Variants in DENND1A observed in about 807,000 individuals in gnomAD.
DENND1A encodes the protein DENN domain-containing protein 1A.
In DENND1A, 51 loss-of-function variants were observed where a neutral mutation model predicts 113.7. That is an observed-to-expected ratio of 0.45 (90% CI 0.36 to 0.57). The LOEUF is 0.57. DENND1A is among the 20% of genes least tolerant of loss of function. The pLI, the probability that DENND1A is intolerant of heterozygous loss-of-function variation, is 0.00. For synonymous variants in DENND1A, 565 were observed against 570.8 expected, an observed-to-expected ratio of 0.99 and a Z score of 0.14; for missense variants, 1,258 against 1,395.9, an observed-to-expected ratio of 0.90 and a Z score of 1.57.
chr9:123,517,514 G>A (rs1266912868), intron 13 of DENND1A, among the ~76,000 whole-genome samples: 1 of 151,790 alleles, frequency 6.6e-6, no homozygotes, highest in African/African-American at 2.4e-5. Context: ...AGTTATTTGG[G>A]AGGCTGAGAC....
chr9:123,848,225 C>CT (rs1225563463), intron 2 of DENND1A, among the ~76,000 whole-genome samples: 1 of 69,328 alleles, frequency 1.4e-5, no homozygotes, highest in East Asian at 4.0e-4. Context: ...AAAGATACTG[C>CT]TTTAAAAAAA....
intron 10 of DENND1A, among the ~76,000 whole-genome samples, chr9:123,615,992 C>T (rs1453814949): frequency 6.6e-6 from 1 of 152,130 alleles, no homozygotes; most frequent in Non-Finnish European, 1.5e-5. Flanking sequence ...TGCAGTGGTG[C>T]GATCTTGGCC....
intron 13 of DENND1A, among the ~76,000 whole-genome samples, chr9:123,503,330 G>T (rs1041419711): frequency 3.9e-5 from 6 of 152,170 alleles, no homozygotes; most frequent in Non-Finnish European, 7.3e-5. Context: ...GAATAGCTGG[G>T]AGTGTATTTA....
intron 7 of DENND1A, among the ~76,000 whole-genome samples, chr9:123,670,217 C>T (rs750193256): frequency 6.6e-6 from 1 of 152,022 alleles, no homozygotes; most frequent in Non-Finnish European, 1.5e-5. Flanking sequence ...GGGGAGATAC[C>T]TTTCTACCAC....
intron 6 of DENND1A, among the ~76,000 whole-genome samples, chr9:123,676,079 T>C (rs1261077397): frequency 6.6e-6 from 1 of 152,238 alleles, no homozygotes; most frequent in African/African-American, 2.4e-5. Context: ...GTGGGAGGCA[T>C]GCTCATTATA....
intron 19 of DENND1A, among the ~76,000 whole-genome samples, chr9:123,420,289 A>G (rs1423570974): frequency 6.6e-6 from 1 of 152,190 alleles, no homozygotes; most frequent in Non-Finnish European, 1.5e-5. Context: ...GGGAAAGGGA[A>G]GCCCCTTGCC....
intron 3 of DENND1A, among the ~76,000 whole-genome samples, chr9:123,784,350 C>T (rs1055095398): frequency 2.6e-5 from 4 of 152,112 alleles, no homozygotes; most frequent in Admixed American, 6.5e-5. Flanking sequence ...GTGATTGTAG[C>T]GTCACTGGCT....
intron 23 of DENND1A, among the ~76,000 whole-genome samples, chr9:123,383,129 C>G (rs2042368402): frequency 6.6e-6 from 1 of 152,246 alleles, no homozygotes; most frequent in African/African-American, 2.4e-5. Flanking sequence ...TCATGAATGA[C>G]TGGAGCTCTG....
intron 13 of DENND1A, among the ~76,000 whole-genome samples, chr9:123,541,382 A>G (rs2056277642): frequency 6.6e-6 from 1 of 152,216 alleles, no homozygotes; most frequent in African/African-American, 2.4e-5. Flanking sequence ...CCAGGATAAA[A>G]CTAATCAACC....
intron 13 of DENND1A, among the ~76,000 whole-genome samples, chr9:123,553,080 C>G (rs773558442): frequency 1.3e-5 from 2 of 152,164 alleles, no homozygotes; most frequent in Admixed American, 6.5e-5. Context: ...CATAGCAAGA[C>G]CTTATCTCTA....
chr9:123,485,233 T>A (rs886921090), intron 13 of DENND1A, among the ~76,000 whole-genome samples: 1 of 152,216 alleles, frequency 6.6e-6, no homozygotes, highest in African/African-American at 2.4e-5. Context: ...AGTTAAAATC[T>A]GCTCGTGATT....
chr9:123,523,855 A>G (rs2054590907), intron 13 of DENND1A, among the ~76,000 whole-genome samples: 1 of 152,230 alleles, frequency 6.6e-6, no homozygotes, highest in African/African-American at 2.4e-5. Context: ...GTTGATAAGC[A>G]TGAAAACTCT....
chr9:123,733,063 C>T (rs2130905662), intron 5 of DENND1A, among the ~76,000 whole-genome samples: 1 of 152,152 alleles, frequency 6.6e-6, no homozygotes, highest in East Asian at 1.9e-4. Flanking sequence ...CTCACCGCAA[C>T]CTCTGCCTCC....
At chr9:123,585,361 C>T (rs992725814) in intron 11 of DENND1A, among the ~76,000 whole-genome samples, 1 of 152,198 alleles carries the variant, frequency 6.6e-6, no homozygotes, top group Admixed American at 6.5e-5. Context: ...AAAAAGATAT[C>T]AGCGAATGGA....
intron 13 of DENND1A, among the ~76,000 whole-genome samples, chr9:123,525,374 G>A (rs1361142150): frequency 1.3e-5 from 2 of 152,202 alleles, no homozygotes; most frequent in Admixed American, 1.3e-4. Flanking sequence ...AACACAGCAA[G>A]AATCCCAGCC....
chr9:123,684,487 C>T (rs1267155364), intron 5 of DENND1A, among the ~76,000 whole-genome samples: 1 of 152,320 alleles, frequency 6.6e-6, no homozygotes, highest in African/African-American at 2.4e-5. Flanking sequence ...ATCTTCTCCC[C>T]TATTATACTC....
intron 2 of DENND1A, among the ~76,000 whole-genome samples, chr9:123,877,224 C>T (rs760463536): frequency 3.9e-5 from 6 of 152,178 alleles, no homozygotes; most frequent in Admixed American, 6.5e-5. Flanking sequence ...CGGTGGCTCA[C>T]GCCTGTAAGT....
At chr9:123,701,260 C>A (rs548665292) in intron 5 of DENND1A, among the ~76,000 whole-genome samples, 6 of 152,086 alleles carry the variant, frequency 3.9e-5, no homozygotes, top group Non-Finnish European at 8.8e-5. Flanking sequence ...TTAAACAGTT[C>A]AAAATACCCT....
chr9:123,640,069 C>T (rs182167487), intron 9 of DENND1A, among the ~76,000 whole-genome samples: 53 of 152,314 alleles, frequency 3.5e-4, no homozygotes, highest in East Asian at 3.3e-3. Flanking sequence ...CATGAAACTG[C>T]TTCTGTGCTC....
Sources: gnomAD v4.1 joint callset for allele counts (sites outside exome capture counted in the v4.1 genomes callset) on GRCh38, gnomAD v4.1.1 for gene constraint, MANE v1.5 for transcripts, NCBI Gene and HGNC (gene_info 2026-07-23, HGNC 2026-07-21) for gene names.